The following SOX6 variants were observed in gnomAD, a reference collection of about 807,000 sequenced individuals.
SOX6 encodes transcription factor SOX-6.
SOX6 carries 11 observed loss-of-function variants against 97.8 expected under a neutral mutation model. The ratio of observed to expected loss-of-function variants is 0.11; its 90% CI spans 0.07 to 0.19. The LOEUF is 0.19. SOX6 is among the 10% of genes least tolerant of loss of function. SOX6 has a pLI of 1.00. For missense variants in SOX6, 810 were observed against 1,039.5 expected (o/e 0.78, Z 3.04); for synonymous variants, 360 against 371.4 (o/e 0.97, Z 0.35).
chr11:16,296,261 T>TAA (rs1855083954), intron 3 of SOX6, among the ~76,000 whole-genome samples: 1 of 152,124 alleles, frequency 6.6e-6, no homozygotes, highest in African/African-American at 2.4e-5. Context: ...ATGTCTTTTT[T>TAA]AATACCATGC....
intron 4 of SOX6, among the ~76,000 whole-genome samples, chr11:16,214,207 G>A (rs1435315135): frequency 6.6e-6 from 1 of 152,144 alleles, no homozygotes; most frequent in African/African-American, 2.4e-5. Context: ...GGGCAACACA[G>A]GTTTAGAATA....
intron 3 of SOX6, among the ~76,000 whole-genome samples, chr11:16,680,793 C>T (rs546139681): frequency 4.2e-4 from 64 of 152,066 alleles, no homozygotes; most frequent in African/African-American, 1.0e-3. Context: ...AACAAAAAAA[C>T]GCAGGGGCTG....
intron 1 of SOX6, among the ~76,000 whole-genome samples, chr11:16,461,174 G>T (rs1178311557): frequency 2.0e-5 from 3 of 152,078 alleles, no homozygotes; most frequent in Non-Finnish European, 4.4e-5. Context: ...CAAGAAGAAA[G>T]CAATAGGAGT....
chr11:16,139,919 C>T (rs923804805), intron 6 of SOX6, among the ~76,000 whole-genome samples: 2 of 147,622 alleles, frequency 1.4e-5, no homozygotes, highest in African/African-American at 5.0e-5. Flanking sequence ...ATTTGTAACT[C>T]TTTTCTAAAA....
intron 6 of SOX6, among the ~76,000 whole-genome samples, chr11:16,159,886 G>A (rs1439097471): frequency 6.6e-6 from 1 of 152,070 alleles, no homozygotes; most frequent in Non-Finnish European, 1.5e-5. Context: ...TGGAGGACAA[G>A]TACTAAAACA....
chr11:16,124,982 C>A (rs1480932357), intron 6 of SOX6, among the ~76,000 whole-genome samples: 1 of 151,974 alleles, frequency 6.6e-6, no homozygotes, highest in Non-Finnish European at 1.5e-5. Context: ...TATATCCTCT[C>A]CGCTCAAGTA....
At chr11:16,512,150 T>C (rs1860891341) in intron 4 of SOX6, among the ~76,000 whole-genome samples, 1 of 152,166 alleles carries the variant, frequency 6.6e-6, no homozygotes, top group African/African-American at 2.4e-5. Context: ...GAAAATGTGG[T>C]GTCAAGGTAG....
At chr11:16,125,102 G>A (rs1205111709) in intron 6 of SOX6, among the ~76,000 whole-genome samples, 1 of 151,978 alleles carries the variant, frequency 6.6e-6, no homozygotes, top group East Asian at 1.9e-4. Flanking sequence ...ACTAAAATAT[G>A]ATCTTTCTAG....
rs1474517045 is a variant in SOX6 at position 16,607,368 on chromosome 11, C to G, written n.609+4713G>C. 1 of 152,330 alleles carries G rather than the reference C, an allele frequency of 6.6e-6. No individual in the cohort carries two copies. Among genetic ancestry groups the G allele is most frequent in the East Asian group, 1.9e-4 (1 of 5,190 alleles). 9.4% of individuals were successfully genotyped at this position (152,330 alleles called of 1,614,324 possible). Reference sequence around the variant, plus strand: ...ACCTGGGCGGGCTCCAGGATGGTACCGCGCGGGAGGGCTCCTTGTGCGCTG... The same window carrying G: ...ACCTGGGCGGGCTCCAGGATGGTACGGCGCGGGAGGGCTCCTTGTGCGCTG... On this transcript the variant is annotated intron_variant and non_coding_transcript_variant, in intron 4 of 5. Coordinates refer to the SOX6 transcript ENST00000524520. The surrounding 1 kb of genome is among the most constrained non-coding windows in gnomAD (Gnocchi z 6.5).
chr11:16,163,374 A>G (rs1850804094), intron 6 of SOX6, among the ~76,000 whole-genome samples: 1 of 152,210 alleles, frequency 6.6e-6, no homozygotes, highest in South Asian at 2.1e-4. Context: ...GATTTTTACT[A>G]TGCCTTTTAT....
chr11:16,135,668 G>A (rs1424596606), intron 6 of SOX6, among the ~76,000 whole-genome samples: 1 of 152,188 alleles, frequency 6.6e-6, no homozygotes, highest in African/African-American at 2.4e-5. Flanking sequence ...GCGCCTTATA[G>A]GTGAGCAAAG....
intron 13 of SOX6, among the ~76,000 whole-genome samples, chr11:15,991,147 C>G (rs1854038228): frequency 6.6e-6 from 1 of 152,096 alleles, no homozygotes; most frequent in Admixed American, 6.6e-5. Context: ...GCCTACTAGA[C>G]AGAATGATCC....
At chr11:16,121,982 A>G (rs1475694249) in intron 6 of SOX6, among the ~76,000 whole-genome samples, 1 of 152,038 alleles carries the variant, frequency 6.6e-6, no homozygotes, top group African/African-American at 2.4e-5. Context: ...GCAACTAAGG[A>G]AAATTCATGT....
intron 6 of SOX6, among the ~76,000 whole-genome samples, chr11:16,180,249 G>C (rs982787062): frequency 2.0e-5 from 3 of 151,716 alleles, no homozygotes; most frequent in East Asian, 1.9e-4. Context: ...TTAATTAAAA[G>C]TGAATTCTGT....
At chr11:16,634,135 T>C (rs1848750081) in intron 3 of SOX6, among the ~76,000 whole-genome samples, 1 of 151,964 alleles carries the variant, frequency 6.6e-6, no homozygotes. Context: ...GAAAATATGT[T>C]CATAATCAAT....
intron 4 of SOX6, among the ~76,000 whole-genome samples, chr11:16,590,223 G>C (rs1171730528): frequency 6.6e-6 from 1 of 152,130 alleles, no homozygotes; most frequent in Non-Finnish European, 1.5e-5. Context: ...TTGCTTTTCA[G>C]ATGAATGAAT....
rs1853171164 is a variant in SOX6, at chr11:15,967,477, C to G, written c.*5332G>C. ...AACGTCGGGGGAAATAAAAGAGTTA[C>G]AGTAAGATAAGTTATGTAGTAACAG... is the stretch of plus-strand genomic sequence containing the variant. On this transcript the variant is annotated 3_prime_UTR_variant, in exon 16 of 16. Coordinates refer to ENST00000683767, the MANE Select transcript of SOX6 (RefSeq NM_001367873.1). 1 of 152,120 alleles carries G rather than the reference C, an allele frequency of 6.6e-6. No homozygotes were observed. The highest frequency in any genetic ancestry group is 2.4e-5 in the African/African-American group (1 of 41,410). 9.4% of individuals were successfully genotyped at this position (152,120 alleles called of 1,614,324 possible).
At chr11:16,285,141 C>A (rs1025519463) in intron 3 of SOX6, among the ~76,000 whole-genome samples, 1 of 151,892 alleles carries the variant, frequency 6.6e-6, no homozygotes, top group Non-Finnish European at 1.5e-5. Context: ...ATATAAAAAA[C>A]AAAATAAATG....
chr11:16,322,655 A>G (rs1855962446), intron 2 of SOX6, among the ~76,000 whole-genome samples: 1 of 152,188 alleles, frequency 6.6e-6, no homozygotes, highest in African/African-American at 2.4e-5. Flanking sequence ...GTGTAGAATT[A>G]TCTGGCAAGT....
Sources: allele counts gnomAD v4.1 joint callset (sites outside exome capture counted in the v4.1 genomes callset), GRCh38; gene constraint gnomAD v4.1.1; non-coding constraint Gnocchi (gnomAD v3.1); transcripts MANE v1.5; gene names NCBI Gene and HGNC (gene_info 2026-07-23, HGNC 2026-07-21).